The following TRPC5OS variants were observed in gnomAD, a reference collection of about 807,000 sequenced individuals.
The protein encoded by TRPC5OS is putative uncharacterized protein TRPC5OS.
For missense variants in TRPC5OS, 64 were observed against 79.3 expected, an observed-to-expected ratio of 0.81 and a Z score of 0.73; for synonymous variants, 30 against 29.3, an observed-to-expected ratio of 1.02 and a Z score of -0.08.
At chrX:111,889,245 G>A (rs1924686982) in intron 1 of TRPC5OS, among the ~76,000 whole-genome samples, 1 of 111,462 alleles carries the variant, frequency 9.0e-6, no homozygotes, top group Non-Finnish European at 1.9e-5. Context: ...ACGGAGAGCT[G>A]ATAATTGGAT....
At chrX:111,893,361 C>T (rs1441604855) in intron 1 of TRPC5OS, among the ~76,000 whole-genome samples, 1 of 111,555 alleles carries the variant, frequency 9.0e-6, no homozygotes, top group Non-Finnish European at 1.9e-5. Context: ...GGCCTGGGAG[C>T]CTCTCATAGC....
intron 1 of TRPC5OS, among the ~76,000 whole-genome samples, chrX:111,893,798 C>G (rs1859878): frequency 0.17 from 18,717 of 111,476 alleles, 2,828 homozygotes; most frequent in African/African-American, 0.49. Context: ...CAGGCAAATG[C>G]TGTATTGCAC....
rs1202728725 is a variant in TRPC5OS at position 111,902,835 on chromosome X, G to T, written c.*650G>T. On this transcript the variant is annotated 3_prime_UTR_variant, in exon 4 of 4. Transcript: ENST00000635763. ...GCTGGGACCAAGAGTTCCAGTGCAG[G>T]ACTGTTCTTGCAAATTCTGACCACA... 2.7e-5 allele frequency: 3 copies of T among 111,869 alleles called. No individual in the cohort carries two copies. The highest frequency in any genetic ancestry group is 5.6e-5 in the Non-Finnish European group (3 of 53,130). The allele number at this position is 111,869 out of a possible 1,213,427, so 9.2% of individuals were successfully genotyped here.
At position 111,890,642 on chromosome X, in the gene TRPC5OS, A is replaced by G. The variant is rs755408625; in HGVS notation, c.-545-5309A>G. On this transcript the variant is annotated intron_variant, in intron 1 of 3. Transcript: ENST00000635763. ...CTAGTGATGTGGAGGTTCCCAGAGCATCATTAGTCAGACCAGGAGTCTGAA... is the reference window on the plus strand; with the variant it reads ...CTAGTGATGTGGAGGTTCCCAGAGCGTCATTAGTCAGACCAGGAGTCTGAA... Among the ~76,000 whole-genome samples, 3 of 112,068 alleles carry G rather than the reference A, an allele frequency of 2.7e-5. No individual in the cohort carries two copies. In the Admixed American group the frequency reaches 2.8e-4, roughly 11 times the overall value.
intron 3 of TRPC5OS, among the ~76,000 whole-genome samples, chrX:111,897,970 A>G (rs1925148795): frequency 9.0e-6 from 1 of 110,763 alleles, no homozygotes; most frequent in Non-Finnish European, 1.9e-5. Context: ...CCAAAAACAT[A>G]ATATGATTTT....
At chrX:111,883,620 G>C (rs1044117895) in intron 1 of TRPC5OS, among the ~76,000 whole-genome samples, 2 of 112,388 alleles carry the variant, frequency 1.8e-5, no homozygotes, top group Non-Finnish European at 3.7e-5. Context: ...TATAGCCAAG[G>C]ACTAAGCCTA....
intron 1 of TRPC5OS, among the ~76,000 whole-genome samples, chrX:111,883,763 T>C (rs747637000): frequency 6.8e-4 from 76 of 112,429 alleles, no homozygotes; most frequent in Non-Finnish European, 9.2e-4. Flanking sequence ...TTAGGTCTAG[T>C]CAGAGCCAGG....
intron 1 of TRPC5OS, among the ~76,000 whole-genome samples, chrX:111,894,986 G>T (rs745456049): frequency 1.8e-5 from 2 of 110,368 alleles, no homozygotes; most frequent in Non-Finnish European, 3.8e-5. Flanking sequence ...TATGCATCTG[G>T]TTGATTTCAA....
chrX:111,902,705 G>T lies in TRPC5OS; in HGVS notation c.*520G>T, dbSNP rs1925410126. ...AGAAAGCATGTGTCCGACAAAAAAT[G>T]CTATAGCAGACTAAGGGAGGTAATT... On this transcript the variant is annotated 3_prime_UTR_variant, in exon 4 of 4. Coordinates refer to ENST00000635763, the MANE Select transcript of TRPC5OS (RefSeq NM_001195578.2). 1 of 112,284 alleles carries T rather than the reference G, an allele frequency of 8.9e-6. No homozygotes were observed. Among genetic ancestry groups the T allele is most frequent in the Non-Finnish European group, 1.9e-5 (1 of 53,316 alleles). 9.3% of individuals were successfully genotyped at this position (112,284 alleles called of 1,213,427 possible).
intron 3 of TRPC5OS, among the ~76,000 whole-genome samples, 176 bp from the exon 4 acceptor site, chrX:111,901,364 A>G (rs1299151766): frequency 8.9e-6 from 1 of 111,821 alleles, no homozygotes; most frequent in Non-Finnish European, 1.9e-5. Context: ...TGAGGTTTTC[A>G]AAGGAAAGAG....
At chrX:111,876,151 G>T (rs1923935293), upstream of TRPC5OS, 1 of 111,168 alleles carries the variant, frequency 9.0e-6, no homozygotes, top group Non-Finnish European at 1.9e-5. Flanking sequence ...GGAAGAGGAG[G>T]TTACCTACCA....
At chrX:111,900,650 T>C (rs1925298745) in intron 3 of TRPC5OS, among the ~76,000 whole-genome samples, 1 of 111,449 alleles carries the variant, frequency 9.0e-6, no homozygotes, top group Non-Finnish European at 1.9e-5. Flanking sequence ...CCCTTTTCAG[T>C]TCAATTTAAG....
chrX:111,894,864 C>T (rs1464378355), intron 1 of TRPC5OS, among the ~76,000 whole-genome samples: 1 of 111,764 alleles, frequency 8.9e-6, no homozygotes, highest in East Asian at 2.8e-4. Context: ...AAGGCTTCCT[C>T]ATATCCCTTC....
intron 1 of TRPC5OS, among the ~76,000 whole-genome samples, chrX:111,888,266 C>A (rs746326112): frequency 9.0e-6 from 1 of 110,664 alleles, no homozygotes; most frequent in East Asian, 2.8e-4. Flanking sequence ...GCCATATAAA[C>A]CACTATAAGG....
intron 1 of TRPC5OS, among the ~76,000 whole-genome samples, chrX:111,884,116 G>C (rs759894351): frequency 2.7e-5 from 3 of 112,579 alleles, no homozygotes; most frequent in African/African-American, 9.7e-5. Context: ...AACTAGTTAA[G>C]GTATAGCCAG....
At chrX:111,898,054 C>CAGTCTTTAA (rs1308694090) in intron 3 of TRPC5OS, among the ~76,000 whole-genome samples, 1 of 109,778 alleles carries the variant, frequency 9.1e-6, no homozygotes, top group African/African-American at 3.3e-5. Context: ...TTGATGTTGT[C>CAGTCTTTAA]AGTCTTTAAT....
At chrX:111,894,750 G>A (rs890536711) in intron 1 of TRPC5OS, among the ~76,000 whole-genome samples, 1 of 111,461 alleles carries the variant, frequency 9.0e-6, no homozygotes, top group Admixed American at 9.5e-5. Flanking sequence ...TTGAGGTATG[G>A]CATGCATATA....
At chrX:111,885,071 A>G (rs1924412397) in intron 1 of TRPC5OS, among the ~76,000 whole-genome samples, 1 of 112,990 alleles carries the variant, frequency 8.9e-6, no homozygotes, top group Non-Finnish European at 1.9e-5. Context: ...GCCTTGTTAA[A>G]GCCTAGTCAA....
chrX:111,898,251 T>TTATATATATATA (rs58112324), intron 3 of TRPC5OS, among the ~76,000 whole-genome samples: 3 of 92,418 alleles, frequency 3.2e-5, no homozygotes, highest in African/African-American at 1.2e-4. Flanking sequence ...GTAGGGGTTC[T>TTATATATATATA]TATATATATA....
Sources: gnomAD v4.1 joint callset for allele counts (sites outside exome capture counted in the v4.1 genomes callset) on GRCh38, gnomAD v4.1.1 for gene constraint, MANE v1.5 for transcripts, NCBI Gene and HGNC (gene_info 2026-07-23, HGNC 2026-07-21) for gene names.